KCNIP4: variants seen among roughly 807,000 people sequenced by gnomAD.
KCNIP4 encodes the protein Kv channel-interacting protein 4.
A neutral mutation model predicts 34.0 loss-of-function variants in KCNIP4; 12 were observed. That is an observed-to-expected ratio of 0.35 (90% CI 0.23 to 0.57). KCNIP4 has a LOEUF of 0.57. KCNIP4 is among the 20% of genes least tolerant of loss of function. The probability of loss-of-function intolerance (pLI) is 0.83; values close to 1 mark genes in which losing one functional copy is unlikely to be tolerated. For synonymous variants in KCNIP4, 124 were observed against 102.2 expected (o/e 1.21, Z -1.29); for missense variants, 238 against 311.7 (o/e 0.76, Z 1.78).
intron 1 of KCNIP4, among the ~76,000 whole-genome samples, chr4:21,348,532 C>T (rs888273652): frequency 1.3e-5 from 2 of 152,162 alleles, no homozygotes; most frequent in African/African-American, 2.4e-5. Flanking sequence ...CTGTATACAA[C>T]ATAACAGTCT....
chr4:21,663,717 A>G (rs1748623966), intron 1 of KCNIP4, among the ~76,000 whole-genome samples: 12 of 152,008 alleles, frequency 7.9e-5, no homozygotes, highest in Admixed American at 7.9e-4. Context: ...TTCTGCACAC[A>G]CTCTGGGACA....
At chr4:21,292,409 T>C (rs1404763272) in intron 1 of KCNIP4, among the ~76,000 whole-genome samples, 1 of 152,200 alleles carries the variant, frequency 6.6e-6, no homozygotes, top group Non-Finnish European at 1.5e-5. Flanking sequence ...CTTGCTTTTT[T>C]CCCTATTCTC....
intron 1 of KCNIP4, among the ~76,000 whole-genome samples, chr4:21,306,918 G>A (rs1035512144): frequency 3.3e-5 from 5 of 151,996 alleles, no homozygotes; most frequent in Admixed American, 2.0e-4. Flanking sequence ...CGTCTCCTGG[G>A]TTCAAGCAAT....
chr4:21,560,461 A>C (rs1375488508), intron 1 of KCNIP4, among the ~76,000 whole-genome samples: 1 of 152,154 alleles, frequency 6.6e-6, no homozygotes, highest in African/African-American at 2.4e-5. Flanking sequence ...CTCATTTTAC[A>C]AAAACTACAG....
intron 1 of KCNIP4, among the ~76,000 whole-genome samples, chr4:21,356,071 G>A (rs563925439): frequency 1.4e-4 from 22 of 152,208 alleles, no homozygotes; most frequent in African/African-American, 5.1e-4. Flanking sequence ...TTCAATAGAT[G>A]CAGAAAAGGC....
At chr4:21,863,956 C>T (rs114040693) in intron 1 of KCNIP4, among the ~76,000 whole-genome samples, 1 of 152,010 alleles carries the variant, frequency 6.6e-6, no homozygotes, top group African/African-American at 2.4e-5. Context: ...TGCTTTAACA[C>T]AAAAACAATT....
chr4:21,346,197 T>C (rs1336906350), intron 1 of KCNIP4, among the ~76,000 whole-genome samples: 1 of 2,490 alleles, frequency 4.0e-4, no homozygotes, highest in Non-Finnish European at 2.4e-3. Context: ...ATATATAGAA[T>C]TATATATATA....
In KCNIP4 at chr4:21,847,920, C is replaced by T. The variant is rs537117583; in HGVS notation, c.61+100651G>A. ...TATCCCTTCACTAGCAACAAAAGCC[C>T]GCCTTTCCTTTTTCCTGTGTGGCAG... On this transcript the variant is annotated intron_variant, in intron 1 of 8. Transcript: ENST00000382152. 2.6e-5 allele frequency: 4 copies of T among 152,042 alleles called. No individual in the cohort carries two copies. In the East Asian group the frequency reaches 5.8e-4, roughly 22 times the overall value. The allele number at this position is 152,042 out of a possible 1,614,324, so 9.4% of individuals were successfully genotyped here.
chr4:21,563,868 G>A (rs1739640561), intron 1 of KCNIP4, among the ~76,000 whole-genome samples: 1 of 151,978 alleles, frequency 6.6e-6, no homozygotes, highest in Admixed American at 6.6e-5. Flanking sequence ...AAGGTTTAGG[G>A]TTATCTATTG....
intron 1 of KCNIP4, among the ~76,000 whole-genome samples, chr4:21,027,739 A>G (rs1740679137): frequency 6.6e-6 from 1 of 152,026 alleles, no homozygotes; most frequent in Middle Eastern, 3.2e-3. Context: ...GAAAACATTA[A>G]TTCACAAGGG....
intron 1 of KCNIP4, among the ~76,000 whole-genome samples, chr4:21,110,523 G>T (rs1444516319): frequency 6.6e-6 from 1 of 152,122 alleles, no homozygotes; most frequent in African/African-American, 2.4e-5. Context: ...TTACATTAGT[G>T]CCAGTTATTT....
intron 1 of KCNIP4, among the ~76,000 whole-genome samples, chr4:20,927,848 A>G (rs1730052435): frequency 3.3e-5 from 5 of 152,110 alleles, no homozygotes; most frequent in Admixed American, 3.3e-4. Flanking sequence ...TTTTAAGTGT[A>G]TTTTTAGAGC....
At chr4:20,813,185 GA>G (rs759843636) in intron 3 of KCNIP4, among the ~76,000 whole-genome samples, 1 of 152,202 alleles carries the variant, frequency 6.6e-6, no homozygotes, top group African/African-American at 2.4e-5. Context: ...AGAATGGCAG[GA>G]AGCTAATGAA....
rs568443517 is a variant in KCNIP4, at chr4:21,614,278, T to G, written c.61+334293A>C. On this transcript the variant is annotated intron_variant, in intron 1 of 8. Coordinates refer to ENST00000382152, the MANE Select transcript of KCNIP4 (RefSeq NM_025221.6). ...GACAACACGCTCTTGACATGAGGGA[T>G]GCAGGTGTTTAGGCATATGCTATAC... 2.0e-5 allele frequency among the ~76,000 whole-genome samples: 3 copies of G among 152,056 alleles called. No individual in the cohort carries two copies. The South Asian group carries it at 6.2e-4, about 32-fold the overall frequency.
chr4:21,550,604 C>T (rs1301697740), intron 1 of KCNIP4, among the ~76,000 whole-genome samples: 1 of 152,058 alleles, frequency 6.6e-6, no homozygotes, highest in East Asian at 1.9e-4. Context: ...TCATCGGTCC[C>T]TGATTCTTGT....
intron 1 of KCNIP4, among the ~76,000 whole-genome samples, chr4:21,287,552 G>A (rs1039907401): frequency 1.3e-5 from 2 of 152,146 alleles, no homozygotes; most frequent in African/African-American, 4.8e-5. Context: ...TTATCTCCAT[G>A]TGTCAGATGA....
At chr4:21,187,960 A>G (rs1755363203) in intron 1 of KCNIP4, among the ~76,000 whole-genome samples, 1 of 152,194 alleles carries the variant, frequency 6.6e-6, no homozygotes, top group South Asian at 2.1e-4. Context: ...CAGTTTTATC[A>G]TCTGTCAAAT....
chr4:21,631,355 T>G (rs1211414182), intron 1 of KCNIP4, among the ~76,000 whole-genome samples: 3 of 152,190 alleles, frequency 2.0e-5, no homozygotes, highest in Non-Finnish European at 4.4e-5. Context: ...ATTCAAATAG[T>G]AAAATTTTAC....
At chr4:21,392,573 G>A (rs1023452230) in intron 1 of KCNIP4, among the ~76,000 whole-genome samples, 3 of 152,192 alleles carry the variant, frequency 2.0e-5, no homozygotes, top group African/African-American at 4.8e-5. Flanking sequence ...CTTCACAAAC[G>A]CTGTTTGTAC....
Sources: gnomAD v4.1 joint callset for allele counts (sites outside exome capture counted in the v4.1 genomes callset) on GRCh38, gnomAD v4.1.1 for gene constraint, MANE v1.5 for transcripts, NCBI Gene and HGNC (gene_info 2026-07-23, HGNC 2026-07-21) for gene names.